Variants in STK32C observed in about 807,000 individuals in gnomAD.
The protein encoded by STK32C is serine/threonine-protein kinase 32C.
A neutral mutation model predicts 56.5 loss-of-function variants in STK32C; 31 were observed. The observed-to-expected ratio is 0.55, with a 90% CI of 0.41 to 0.74. The LOEUF (loss-of-function observed/expected upper bound fraction) is 0.74. Ranked by LOEUF, STK32C falls within the 30% of genes least tolerant of loss-of-function variation. The pLI is 0.00. For missense variants in STK32C, 544 were observed against 676.9 expected (o/e 0.80, Z 2.18); for synonymous variants, 309 against 289.4 (o/e 1.07, Z -0.69).
chr10:132,282,505 GCCTGCGCCC>G (rs2065246636), intron 1 of STK32C, among the ~76,000 whole-genome samples: 1 of 124,392 alleles, frequency 8.0e-6, no homozygotes, highest in African/African-American at 2.9e-5. Flanking sequence ...GCCCACCTGT[GCCTGCGCCC>G]ACCTGTGCCT....
chr10:132,273,832 A>G (rs2064911490), intron 1 of STK32C, among the ~76,000 whole-genome samples: 1 of 135,530 alleles, frequency 7.4e-6, no homozygotes, highest in African/African-American at 2.9e-5. Context: ...AGATGAGTGA[A>G]TGAGTGAATG....
At chr10:132,316,966 G>A (rs1424615039) in intron 1 of STK32C, among the ~76,000 whole-genome samples, 3 of 143,168 alleles carry the variant, frequency 2.1e-5, no homozygotes, top group African/African-American at 7.9e-5. Context: ...TCATGCCACT[G>A]CACTCCAGCC....
At chr10:132,298,677 C>T (rs1237592647) in intron 1 of STK32C, among the ~76,000 whole-genome samples, 1 of 151,688 alleles carries the variant, frequency 6.6e-6, no homozygotes, top group Non-Finnish European at 1.5e-5. Context: ...GGGAGTTGAG[C>T]GCCGTGTGTG....
intron 8 of STK32C, among the ~76,000 whole-genome samples, chr10:132,223,465 A>G (rs2062757786): frequency 6.6e-6 from 1 of 152,196 alleles, no homozygotes; most frequent in Admixed American, 6.5e-5. Context: ...TTTCCAGGGA[A>G]AATGCCGCAG....
downstream of STK32C, among the ~76,000 whole-genome samples, chr10:132,323,810 T>C (rs1034074718): frequency 6.6e-6 from 1 of 152,058 alleles, no homozygotes; most frequent in Admixed American, 6.5e-5. The surrounding 1 kb of genome is among the most constrained non-coding windows in gnomAD (Gnocchi z 4.8). Context: ...GACTCAGTTT[T>C]GAAGGCTGGG....
At chr10:132,237,745 G>A (rs531658411) in intron 2 of STK32C, among the ~76,000 whole-genome samples, 23 of 152,338 alleles carry the variant, frequency 1.5e-4, no homozygotes, top group Admixed American at 5.2e-4. Flanking sequence ...GCCCGGTGTG[G>A]CTTCACCCCT....
At chr10:132,212,616 G>C (rs1351970285) in intron 10 of STK32C, among the ~76,000 whole-genome samples, 1 of 152,166 alleles carries the variant, frequency 6.6e-6, no homozygotes, top group Non-Finnish European at 1.5e-5. Context: ...TCAAGAAAGA[G>C]AAAAGATAGC....
At chr10:132,313,235 G>C (rs2066253184) in intron 1 of STK32C, among the ~76,000 whole-genome samples, 1 of 152,100 alleles carries the variant, frequency 6.6e-6, no homozygotes. Context: ...TTATAAACAG[G>C]ACCTAAGGCC....
chr10:132,292,199 C>A (rs1012437124), intron 1 of STK32C, among the ~76,000 whole-genome samples: 5 of 152,224 alleles, frequency 3.3e-5, no homozygotes, highest in African/African-American at 1.2e-4. Flanking sequence ...AACATAAGCA[C>A]CTCCACGAGG....
chr10:132,301,538 C>T (rs2065910821), intron 1 of STK32C, among the ~76,000 whole-genome samples: 1 of 152,186 alleles, frequency 6.6e-6, no homozygotes, highest in Non-Finnish European at 1.5e-5. Flanking sequence ...GGCTCGGGGA[C>T]ACAGGATGCT....
chr10:132,253,612 CGAGGGAGCTG>C (rs1047270117), intron 1 of STK32C, among the ~76,000 whole-genome samples: 3 of 123,954 alleles, frequency 2.4e-5, no homozygotes, highest in African/African-American at 9.3e-5. Context: ...TGGAGGGAGC[CGAGGGAGCTG>C]GAGGGAGCTG....
chr10:132,219,047 A>G (rs767236984), intron 10 of STK32C, among the ~76,000 whole-genome samples: 11 of 152,148 alleles, frequency 7.2e-5, no homozygotes, highest in Non-Finnish European at 1.5e-4. Context: ...GGAGGGGAGA[A>G]GAGGGGAATG....
At chr10:132,209,413 A>C (rs1485194468) in intron 10 of STK32C, 2 of 584,306 alleles carry the variant, frequency 3.4e-6, no homozygotes, top group East Asian at 3.4e-5. Context: ...GCTGGAAACC[A>C]CTCCCTTGCC....
chr10:132,223,673 A>G (rs2814195), intron 8 of STK32C, among the ~76,000 whole-genome samples: 1 of 152,088 alleles, frequency 6.6e-6, no homozygotes, highest in Non-Finnish European at 1.5e-5. Context: ...CTCCCCAAGG[A>G]TTTAGGCTGC....
intron 1 of STK32C, among the ~76,000 whole-genome samples, chr10:132,304,655 C>A (rs930717462): frequency 7.9e-5 from 12 of 152,218 alleles, no homozygotes; most frequent in Admixed American, 7.9e-4. Flanking sequence ...GTTACAGATA[C>A]CGTGGCATAA....
rs932877197 is a variant in STK32C, at chr10:132,230,687, G to C, written c.319-2559C>G. ...GCTGGGGGGGAAGCTGGCGGGGGGGGGGGGGCTGCAGAGCCCACCTCTGCC... is the reference window on the plus strand; with the variant it reads ...GCTGGGGGGGAAGCTGGCGGGGGGGCGGGGGCTGCAGAGCCCACCTCTGCC... On this transcript the variant is annotated intron_variant, in intron 2 of 11. Transcript: ENST00000298630. 4.9e-5 allele frequency among the ~76,000 whole-genome samples: 7 copies of C among 143,332 alleles called. 1 individual carries two copies. Among genetic ancestry groups the C allele is most frequent in the South Asian group, 2.5e-4 (1 of 4,048 alleles). The allele number at this position is 143,332 out of a possible 152,430, so 94.0% of individuals were successfully genotyped here. A position where few individuals can be genotyped will look rare whatever the true frequency, so the allele number is the denominator to read the frequency against.
At chr10:132,230,779 C>A (rs889707684) in intron 2 of STK32C, among the ~76,000 whole-genome samples, 2 of 151,492 alleles carry the variant, frequency 1.3e-5, no homozygotes, top group Non-Finnish European at 2.9e-5. Context: ...GGCTTTCTGT[C>A]GCTTGTGCAC....
intron 10 of STK32C, among the ~76,000 whole-genome samples, chr10:132,220,660 A>T (rs2062609253): frequency 6.6e-6 from 1 of 152,204 alleles, no homozygotes; most frequent in Non-Finnish European, 1.5e-5. Context: ...AATAGGAAGC[A>T]AATTCCAACA....
rs74161772 is a variant in STK32C at position 132,306,170 on chromosome 10, G to A, written c.262+1402C>T. 6.4e-3 allele frequency among the ~76,000 whole-genome samples: 981 copies of A among 152,254 alleles called. 9 individuals carry two copies. Among genetic ancestry groups the A allele is most frequent in the African/African-American group, 0.022 (925 of 41,542 alleles). On this transcript the variant is annotated intron_variant, in intron 1 of 11. Coordinates refer to ENST00000298630, the MANE Select transcript of STK32C (RefSeq NM_173575.4). ...CACCACTGTCTCCACTCCCACCCCC[G>A]GAGAGCACGGTGCCGAGACCCAGAA...
Sources: gnomAD v4.1 joint callset for allele counts (sites outside exome capture counted in the v4.1 genomes callset) on GRCh38, gnomAD v4.1.1 for gene constraint, Gnocchi (gnomAD v3.1) non-coding constraint, MANE v1.5 for transcripts, NCBI Gene and HGNC (gene_info 2026-07-23, HGNC 2026-07-21) for gene names.